DLGAP2: variants seen among roughly 807,000 people sequenced by gnomAD.
DLGAP2 encodes the protein disks large-associated protein 2.
A neutral mutation model predicts 100.3 loss-of-function variants in DLGAP2; 26 were observed. The observed-to-expected ratio is 0.26, with a 90% CI of 0.19 to 0.36. DLGAP2 has a LOEUF of 0.36. Among genes scored for constraint, DLGAP2 ranks in the 10% least tolerant of loss-of-function variants. The pLI is 1.00. For synonymous variants in DLGAP2, 886 were observed against 630.1 expected (o/e 1.41, Z -6.08); for missense variants, 1,858 against 1,453.2 (o/e 1.28, Z -4.53).
intron 2 of DLGAP2, chr8:1,104,774 G>A (rs1030997101): frequency 1.3e-5 from 2 of 152,216 alleles, no homozygotes; most frequent in Non-Finnish European, 1.5e-5. Flanking sequence ...AGGCCTGTCA[G>A]CGAGGCAGCC....
chr8:1,472,941 AT>A (rs796479937), intron 3 of DLGAP2, among the ~76,000 whole-genome samples: 84 of 150,606 alleles, frequency 5.6e-4, no homozygotes, highest in African/African-American at 1.5e-3. Flanking sequence ...AATTCACACA[AT>A]TTTTTTTTTG....
chr8:1,409,813 G>A (rs1380633665), intron 3 of DLGAP2, among the ~76,000 whole-genome samples: 3 of 152,154 alleles, frequency 2.0e-5, no homozygotes, highest in Admixed American at 6.5e-5. Context: ...CTCCACCAGA[G>A]CCCCAGGGCC....
chr8:783,009 G>C (rs763463371), intron 1 of DLGAP2, among the ~76,000 whole-genome samples: 1 of 152,204 alleles, frequency 6.6e-6, no homozygotes, highest in Non-Finnish European at 1.5e-5. Context: ...AGATTAACCA[G>C]TGACCGCATG....
At chr8:757,907 C>T (rs1366801713) in intron 1 of DLGAP2, among the ~76,000 whole-genome samples, 1 of 152,178 alleles carries the variant, frequency 6.6e-6, no homozygotes, top group African/African-American at 2.4e-5. Flanking sequence ...CTCCTCGTTT[C>T]CCACCTCTGC....
chr8:1,179,120 T>A (rs1432122755), intron 2 of DLGAP2, among the ~76,000 whole-genome samples: 1 of 152,154 alleles, frequency 6.6e-6, no homozygotes, highest in Non-Finnish European at 1.5e-5. Context: ...CTGTTTACGA[T>A]ACCAAAGTGC....
chr8:1,484,460 C>T (rs368836505), intron 3 of DLGAP2, among the ~76,000 whole-genome samples: 21 of 152,356 alleles, frequency 1.4e-4, no homozygotes, highest in Admixed American at 3.9e-4. Context: ...TGCGACTGGA[C>T]GGCTCTGCCC....
chr8:954,121 C>T (rs1308071919), intron 2 of DLGAP2, among the ~76,000 whole-genome samples: 1 of 151,466 alleles, frequency 6.6e-6, no homozygotes, highest in Non-Finnish European at 1.5e-5. Context: ...TCAGTGGCTC[C>T]CAGGAAAAGG....
At chr8:1,187,280 G>T (rs1249329030) in intron 2 of DLGAP2, among the ~76,000 whole-genome samples, 1 of 150,156 alleles carries the variant, frequency 6.7e-6, no homozygotes, top group African/African-American at 2.5e-5. Context: ...TGTGACGTTT[G>T]TCTCATGGAA....
intron 2 of DLGAP2, among the ~76,000 whole-genome samples, chr8:1,218,047 G>C (rs1374070542): frequency 6.6e-6 from 1 of 152,152 alleles, no homozygotes; most frequent in East Asian, 1.9e-4. Flanking sequence ...TCTATAAGTT[G>C]TCTGTTTGCT....
At position 1,217,224 on chromosome 8, in the gene DLGAP2, C is replaced by G. The variant is rs144011880; in HGVS notation, c.74-41627C>G. On this transcript the variant is annotated intron_variant, in intron 2 of 14. Transcript: ENST00000637795. ...GAACATGGAGTATTTAGTTTTCTGT[C>G]TCTGTGTTAGTTTGCTTAGGATAAT... is the stretch of plus-strand genomic sequence containing the variant. Among the ~76,000 whole-genome samples, 13 of 152,230 alleles carry G rather than the reference C, an allele frequency of 8.5e-5. No individual in the cohort carries two copies. In the East Asian group the frequency reaches 2.5e-3, roughly 29 times the overall value.
chr8:1,054,822 G>T (rs915762580), intron 2 of DLGAP2, among the ~76,000 whole-genome samples: 1 of 152,096 alleles, frequency 6.6e-6, no homozygotes, highest in Non-Finnish European at 1.5e-5. Flanking sequence ...CAATCAAATT[G>T]TAAGGAAAAA....
At chr8:1,565,648 A>G (rs3815235) in intron 5 of DLGAP2, 35 bp from the exon 6 acceptor site, 96,244 of 1,564,514 alleles carry the variant, frequency 0.062, 3,374 homozygotes, top group South Asian at 0.11. Context: ...CTCAGTGACA[A>G]AGTTGATGCG....
intron 4 of DLGAP2, among the ~76,000 whole-genome samples, chr8:1,522,262 T>C (rs1010574822): frequency 6.6e-6 from 1 of 152,220 alleles, no homozygotes; most frequent in African/African-American, 2.4e-5. Flanking sequence ...CGTATAACAG[T>C]CTGGTTCTGA....
At chr8:1,214,066 G>A (rs572813281) in intron 2 of DLGAP2, among the ~76,000 whole-genome samples, 92 of 148,414 alleles carry the variant, frequency 6.2e-4, no homozygotes, top group Non-Finnish European at 1.0e-3. Context: ...CCTCCATGTG[G>A]TTGCCAGGCT....
intron 2 of DLGAP2, among the ~76,000 whole-genome samples, chr8:1,043,179 G>C (rs962513712): frequency 7.9e-6 from 1 of 126,992 alleles, no homozygotes; most frequent in Non-Finnish European, 1.7e-5. Context: ...TGGTGGGTGT[G>C]GGTGGTGGGT....
intron 3 of DLGAP2, among the ~76,000 whole-genome samples, chr8:1,359,793 C>T (rs1289409274): frequency 1.3e-5 from 2 of 152,252 alleles, no homozygotes; most frequent in Admixed American, 1.3e-4. Context: ...GATTTGGAAA[C>T]TAAATGGGCT....
At chr8:737,859 G>T (rs1306078396) in intron 1 of DLGAP2, 34 bp downstream of exon 1, 2 of 375,114 alleles carry the variant, frequency 5.3e-6, no homozygotes, top group Non-Finnish European at 9.5e-6. Flanking sequence ...GGAGCCGGGC[G>T]CGGGGCTCCG....
chr8:1,431,541 C>A (rs1007646521), intron 3 of DLGAP2, among the ~76,000 whole-genome samples: 1 of 152,220 alleles, frequency 6.6e-6, no homozygotes, highest in Non-Finnish European at 1.5e-5. Context: ...GCCTGGCGCT[C>A]AGCAGCCGTT....
intron 3 of DLGAP2, among the ~76,000 whole-genome samples, chr8:1,309,741 G>T (rs1800569761): frequency 6.6e-6 from 1 of 152,246 alleles, no homozygotes; most frequent in Non-Finnish European, 1.5e-5. Flanking sequence ...GAAATTAAAA[G>T]ATGAATGCAT....
Sources: gnomAD v4.1 joint callset for allele counts (sites outside exome capture counted in the v4.1 genomes callset) on GRCh38, gnomAD v4.1.1 for gene constraint, MANE v1.5 for transcripts, NCBI Gene and HGNC (gene_info 2026-07-23, HGNC 2026-07-21) for gene names.